YEATS2: variants seen among roughly 807,000 people sequenced by gnomAD.
The protein encoded by YEATS2 is YEATS domain-containing protein 2.
In YEATS2, 77 loss-of-function variants were observed where a neutral mutation model predicts 163.2. The ratio of observed to expected loss-of-function variants is 0.47; its 90% CI spans 0.39 to 0.57. YEATS2 has a LOEUF of 0.57. YEATS2 is among the 20% of genes least tolerant of loss of function. The pLI, the probability that YEATS2 is intolerant of heterozygous loss-of-function variation, is 0.00. For missense variants in YEATS2, 1,549 were observed against 1,729.8 expected, an observed-to-expected ratio of 0.90 and a Z score of 1.85; for synonymous variants, 631 against 645.1, an observed-to-expected ratio of 0.98 and a Z score of 0.33.
Position 183,763,284 on chromosome 3 carries a change from A to G in YEATS2, c.1947+1005A>G, listed in dbSNP as rs564795196. Among the ~76,000 whole-genome samples the G allele has an allele frequency of 6.6e-5, 10 of 152,300 alleles. No individual in the cohort carries two copies. The South Asian group carries it at 2.1e-3, about 32-fold the overall frequency. ...CTCCTAGGCTGTAAACCTGTTCCGC[A>G]TGTTACTATTGAATACTATAGGAAG... On this transcript the variant is annotated intron_variant, in intron 15 of 30. Coordinates refer to ENST00000305135, the MANE Select transcript of YEATS2 (RefSeq NM_018023.5).
intron 13 of YEATS2, 139 bp from the exon 14 acceptor site, chr3:183,761,368 T>G: frequency 4.7e-5 from 37 of 786,020 alleles, no homozygotes; most frequent in Non-Finnish European, 6.6e-5. Flanking sequence ...AGTACAGGCG[T>G]GAGCTACCGC....
chr3:183,810,319 C>T, intron 30 of YEATS2, 156 bp from the exon 31 acceptor site: 1 of 617,976 alleles, frequency 1.6e-6, no homozygotes. Context: ...GGAAGGCAGT[C>T]CTCACCCCAG....
chr3:183,761,491 A>G lies in YEATS2; in HGVS notation c.1657-16A>G, dbSNP rs753986834. ...CATTTCTCCTGATTGTAAAATATGT[A>G]TTTTTACACACACAGCAGGAGGATT... is the stretch of plus-strand genomic sequence containing the variant. On this transcript the variant is annotated splice_polypyrimidine_tract_variant and intron_variant, in intron 13 of 30. Transcript: ENST00000305135. The G allele has an allele frequency of 4.4e-6, 7 of 1,601,092 alleles. No homozygotes were observed. Among genetic ancestry groups the G allele is most frequent in the East Asian group, 4.5e-5 (2 of 44,826 alleles).
chr3:183,704,534 A>G (rs1462203010), intron 1 of YEATS2, among the ~76,000 whole-genome samples: 1 of 152,096 alleles, frequency 6.6e-6, no homozygotes, highest in Non-Finnish European at 1.5e-5. Context: ...GTGAGCTAAT[A>G]TTAATTTTTA....
intron 4 of YEATS2, among the ~76,000 whole-genome samples, chr3:183,721,479 T>G (rs943711982): frequency 2.0e-5 from 3 of 152,246 alleles, no homozygotes; most frequent in African/African-American, 7.2e-5. Context: ...TATTACATTT[T>G]ACTCTTATGT....
chr3:183,747,550 A>T (rs551969087), intron 8 of YEATS2, 122 bp from the exon 9 acceptor site: 5 of 578,148 alleles, frequency 8.6e-6, no homozygotes, highest in Admixed American at 6.6e-5. Context: ...ATTTTACATT[A>T]TGAAAAAGTA....
chr3:183,809,099 T>C lies in YEATS2; in HGVS notation c.4089T>C (p.Ala1363=). 6.2e-7 allele frequency: 1 copy of C among 1,614,170 alleles called. No homozygotes were observed. Among genetic ancestry groups the C allele is most frequent in the South Asian group, 1.1e-5 (1 of 91,084 alleles). Reference sequence around the variant, plus strand: ...AATAACAGCATCTTCCATTGTAGGCTACAGAACAGCTGGTGAATGATATCC... The same window carrying C: ...AATAACAGCATCTTCCATTGTAGGCCACAGAACAGCTGGTGAATGATATCC... ...ASVVEDMILK[A]TEQLVNDILR... The change falls in exon 30 of 31, where the codon GCT becomes GCC. Residue 1363 remains alanine, a splice_region_variant and synonymous_variant. Transcript: ENST00000305135.
chr3:183,722,270 A>G, intron 5 of YEATS2, 134 bp downstream of exon 5: 2 of 834,810 alleles, frequency 2.4e-6, no homozygotes, highest in Non-Finnish European at 3.3e-6. Flanking sequence ...ATAATGGGGA[A>G]ACCAAATCTT....
chr3:183,732,065 G>A (rs1049104973), intron 7 of YEATS2, among the ~76,000 whole-genome samples: 13 of 151,982 alleles, frequency 8.6e-5, no homozygotes, highest in Non-Finnish European at 1.0e-4. Context: ...AGCAGGAAAT[G>A]TATATAAGTC....
chr3:183,727,165 T>C (rs531067227), intron 6 of YEATS2, among the ~76,000 whole-genome samples: 2 of 152,070 alleles, frequency 1.3e-5, no homozygotes, highest in South Asian at 2.1e-4. Context: ...TACATTGATA[T>C]ACGTATGAAA....
Position 183,722,129 on chromosome 3 carries a change from C to G in YEATS2, c.530C>G (p.Thr177Ser). The change falls in exon 5 of 31, where the codon ACT becomes AGT. Residue 177 changes from threonine to serine, a missense_variant. Physicochemically the swap from Thr to Ser is moderately conservative, Grantham distance 58. Transcript: ENST00000305135. ...ATGGAGCAGAGACCAAGCCGAAATA[C>G]TGGAAGGGTATATAGATGGGTGGAT... is the stretch of plus-strand genomic sequence containing the variant. ...NNMEQRPSRN[T>S]GRDTSRITGS... 1 of 1,613,720 alleles carries G rather than the reference C, an allele frequency of 6.2e-7. No individual in the cohort carries two copies. Among genetic ancestry groups the G allele is most frequent in the Non-Finnish European group, 8.5e-7 (1 of 1,179,944 alleles).
intron 21 of YEATS2, 146 bp from the exon 22 acceptor site, chr3:183,797,777 T>C (rs771543918): frequency 1.1e-4 from 102 of 919,584 alleles, no homozygotes; most frequent in Non-Finnish European, 1.1e-4. Flanking sequence ...CAGCATCTGT[T>C]GTCTCCTGCT....
Position 183,803,286 on chromosome 3 carries a change from C to T in YEATS2, c.3533C>T (p.Ser1178Phe), listed in dbSNP as rs1487117436. The change falls in exon 26 of 31, where the codon TCT (serine) becomes TTT (phenylalanine). Residue 1178 changes from serine (S) to phenylalanine (F), a missense_variant. Transcript: ENST00000305135. ...SEDASCFSAK[S>F]VEQYYGWNIG... ...GATGCCAGCTGCTTTTCTGCAAAGT[C>T]TGTGGAGCAGTACTATGGCTGGAAC... The T allele has an allele frequency of 1.9e-6, 3 of 1,611,948 alleles. No homozygotes were observed. The highest frequency in any genetic ancestry group is 8.5e-7 in the Non-Finnish European group (1 of 1,179,920).
chr3:183,760,050 T>G (rs1721179629), intron 13 of YEATS2, among the ~76,000 whole-genome samples: 1 of 152,216 alleles, frequency 6.6e-6, no homozygotes. Flanking sequence ...AGCATTTCTT[T>G]TATTTAGACA....
intron 5 of YEATS2, among the ~76,000 whole-genome samples, chr3:183,723,103 G>A (rs935455978): frequency 3.3e-5 from 5 of 152,208 alleles, no homozygotes; most frequent in African/African-American, 7.2e-5. Flanking sequence ...TTATTCTCTC[G>A]AGAGCAGCCG....
intron 4 of YEATS2, among the ~76,000 whole-genome samples, chr3:183,720,901 CA>C (rs35799762): frequency 0.044 from 6,745 of 152,132 alleles, 384 homozygotes; most frequent in East Asian, 0.14. Flanking sequence ...TTCTGCCTGT[CA>C]ATGATGTGGC....
chr3:183,715,046 T>G (rs994628503), intron 1 of YEATS2, 98 bp from the exon 2 acceptor site: 1 of 643,042 alleles, frequency 1.6e-6, no homozygotes, highest in African/African-American at 1.9e-5. Flanking sequence ...TTTATTTTGT[T>G]TGTACACATA....
intron 17 of YEATS2, 72 bp from the exon 18 acceptor site, chr3:183,775,843 C>G (rs1238455189): frequency 3.7e-6 from 6 of 1,600,660 alleles, no homozygotes; most frequent in Non-Finnish European, 5.1e-6. Context: ...TCTCTCTGGG[C>G]TCATTTGTTT....
intron 7 of YEATS2, among the ~76,000 whole-genome samples, chr3:183,731,232 A>G (rs1348447216): frequency 6.6e-6 from 1 of 151,634 alleles, no homozygotes; most frequent in Non-Finnish European, 1.5e-5. Context: ...CAGGGAGTCA[A>G]AGGTTGCAGT....
Sources: allele counts gnomAD v4.1 joint callset (sites outside exome capture counted in the v4.1 genomes callset), GRCh38; gene constraint gnomAD v4.1.1; transcripts MANE v1.5; gene names NCBI Gene and HGNC (gene_info 2026-07-23, HGNC 2026-07-21).